Variants in GRID2 observed in about 807,000 individuals in gnomAD.
GRID2 encodes glutamate receptor ionotropic, delta-2.
A neutral mutation model predicts 114.8 loss-of-function variants in GRID2; 33 were observed. The ratio of observed to expected loss-of-function variants is 0.29; its 90% CI spans 0.22 to 0.38. The LOEUF (loss-of-function observed/expected upper bound fraction) is 0.38. Ranked by LOEUF, GRID2 falls within the 10% of genes least tolerant of loss-of-function variation. The pLI is 1.00. For synonymous variants in GRID2, 505 were observed against 449.9 expected, an observed-to-expected ratio of 1.12 and a Z score of -1.55; for missense variants, 1,184 against 1,257.7, an observed-to-expected ratio of 0.94 and a Z score of 0.89.
downstream of GRID2, among the ~76,000 whole-genome samples, chr4:93,777,447 A>G (rs1256398265): frequency 6.6e-6 from 1 of 152,190 alleles, no homozygotes; most frequent in Non-Finnish European, 1.5e-5. Context: ...CTAATTTTGT[A>G]TCATAGTTCC....
chr4:93,500,871 A>T (rs1484604358), intron 12 of GRID2, among the ~76,000 whole-genome samples: 1 of 151,968 alleles, frequency 6.6e-6, no homozygotes, highest in Non-Finnish European at 1.5e-5. Context: ...CAGCTCAAAT[A>T]CTCAAATATG....
At chr4:92,927,471 G>C (rs1269952794) in intron 2 of GRID2, among the ~76,000 whole-genome samples, 1 of 151,796 alleles carries the variant, frequency 6.6e-6, no homozygotes, top group Non-Finnish European at 1.5e-5. Flanking sequence ...AGCACAAAGA[G>C]AGCTAGATGC....
downstream of GRID2, among the ~76,000 whole-genome samples, chr4:93,775,608 TGCA>T (rs1309856305): frequency 6.6e-6 from 1 of 152,234 alleles, no homozygotes; most frequent in Non-Finnish European, 1.5e-5. Context: ...TGTCCTGGTT[TGCA>T]ACACTTAGAC....
chr4:93,013,591 C>T (rs571343398), intron 2 of GRID2, among the ~76,000 whole-genome samples: 3 of 151,950 alleles, frequency 2.0e-5, no homozygotes, highest in South Asian at 2.1e-4. Flanking sequence ...ATTAGAGGTT[C>T]GTGCTTGTCA....
intron 14 of GRID2, among the ~76,000 whole-genome samples, chr4:93,691,383 T>A (rs1726549759): frequency 6.6e-6 from 1 of 152,026 alleles, no homozygotes; most frequent in African/African-American, 2.4e-5. Flanking sequence ...GACACAGAAG[T>A]TAAAAAACAG....
intron 2 of GRID2, among the ~76,000 whole-genome samples, chr4:92,943,168 C>G (rs1443525036): frequency 6.6e-6 from 1 of 152,140 alleles, no homozygotes; most frequent in African/African-American, 2.4e-5. Flanking sequence ...AGGGTGTTTT[C>G]CAGCTGGGTT....
chr4:92,634,862 A>G (rs1730989651), intron 2 of GRID2, among the ~76,000 whole-genome samples: 1 of 117,172 alleles, frequency 8.5e-6, no homozygotes, highest in Non-Finnish European at 1.8e-5. Context: ...AGAGAGACAG[A>G]GAGAGAGAGA....
intron 13 of GRID2, among the ~76,000 whole-genome samples, chr4:93,597,996 C>G (rs912205462): frequency 6.6e-6 from 1 of 152,136 alleles, no homozygotes; most frequent in Admixed American, 6.5e-5. Flanking sequence ...AGCCTTATTC[C>G]TTAATAATAT....
At chr4:92,444,037 G>A (rs1733291873) in intron 1 of GRID2, among the ~76,000 whole-genome samples, 1 of 152,198 alleles carries the variant, frequency 6.6e-6, no homozygotes, top group Admixed American at 6.5e-5. Context: ...GGAGAAGAGA[G>A]TCAGAAGAGG....
Position 93,698,087 on chromosome 4 carries a change from GTAAT to G in GRID2, c.2361-71120_2361-71117del, listed in dbSNP as rs559162707. 1.4e-3 allele frequency among the ~76,000 whole-genome samples: 208 copies of G among 151,930 alleles called. 1 individual carries two copies. The highest frequency in any genetic ancestry group is 4.5e-3 in the African/African-American group (188 of 41,486). On this transcript the variant is annotated intron_variant, in intron 14 of 15. Transcript: ENST00000282020. ...AACTCTTGTACATATGCTGATAAGA[GTAAT>G]TAGTCAAATGTTTTCAGGTTCACTT...
At chr4:92,717,683 A>ATATGCAGTTGT (rs1735615488) in intron 2 of GRID2, among the ~76,000 whole-genome samples, 1 of 152,224 alleles carries the variant, frequency 6.6e-6, no homozygotes, top group South Asian at 2.1e-4. Flanking sequence ...ATTAAAAAGA[A>ATATGCAGTTGT]TATGCAGTTG....
At chr4:92,403,269 GT>G (rs1282071915) in intron 1 of GRID2, among the ~76,000 whole-genome samples, 1 of 152,104 alleles carries the variant, frequency 6.6e-6, no homozygotes, top group East Asian at 1.9e-4. Context: ...CACTTGAGTA[GT>G]ACTTTTAATT....
chr4:92,899,934 C>G (rs78727210), intron 2 of GRID2, among the ~76,000 whole-genome samples: 3 of 151,998 alleles, frequency 2.0e-5, no homozygotes, highest in Non-Finnish European at 4.4e-5. Flanking sequence ...TCCTAGCCCT[C>G]GTCAAGGAGG....
chr4:93,134,656 T>G (rs957972004), intron 4 of GRID2, among the ~76,000 whole-genome samples: 2 of 152,164 alleles, frequency 1.3e-5, no homozygotes, highest in Non-Finnish European at 2.9e-5. Flanking sequence ...TATGCAAATA[T>G]TCTCAGCCAC....
At chr4:92,826,948 T>C (rs1158779478) in intron 2 of GRID2, among the ~76,000 whole-genome samples, 2 of 152,058 alleles carry the variant, frequency 1.3e-5, no homozygotes, top group East Asian at 1.9e-4. Context: ...GAAGAGTTCA[T>C]TGATATGTTT....
At chr4:93,453,689 A>G (rs1401223460) in intron 10 of GRID2, among the ~76,000 whole-genome samples, 2 of 152,090 alleles carry the variant, frequency 1.3e-5, no homozygotes, top group Non-Finnish European at 2.9e-5. Flanking sequence ...ATAATTATTT[A>G]TTAGAAAAAT....
In GRID2 at chr4:92,688,037, C is replaced by CCTTTTTTTTTTTTTTTTTTTTTTTT. The variant is rs1553916864; in HGVS notation, c.244+97751_244+97752insCTTTTTTTTTTTTTTTTTTTTTTTT. Among the ~76,000 whole-genome samples the CCTTTTTTTTTTTTTTTTTTTTTTTT allele has an allele frequency of 3.5e-3, 157 of 44,664 alleles. 20 individuals carry two copies. The highest frequency in any genetic ancestry group is 0.021 in the Middle Eastern group (1 of 48). The allele number at this position is 44,664 out of a possible 152,430, so 29.3% of individuals were successfully genotyped here. A position where few individuals can be genotyped will look rare whatever the true frequency, so the allele number is the denominator to read the frequency against. On this transcript the variant is annotated intron_variant, in intron 2 of 15. Coordinates refer to ENST00000282020, the MANE Select transcript of GRID2 (RefSeq NM_001510.4). ...GCCACATTGGTTGACCCTTCTTCTTCTTTTTTTTTTTTTTTTTTTTTTTTT... is the reference window on the plus strand; with the variant it reads ...GCCACATTGGTTGACCCTTCTTCTTCCTTTTTTTTTTTTTTTTTTTTTTTTTTTTTTTTTTTTTTTTTTTTTTTTT...
chr4:93,681,290 A>G (rs1725507068), intron 14 of GRID2, among the ~76,000 whole-genome samples: 1 of 151,640 alleles, frequency 6.6e-6, no homozygotes, highest in South Asian at 2.1e-4. Flanking sequence ...GATACCAAGA[A>G]ATGGAAGAAC....
intron 2 of GRID2, among the ~76,000 whole-genome samples, chr4:92,890,607 G>C (rs1416751169): frequency 6.6e-6 from 1 of 152,144 alleles, no homozygotes; most frequent in Non-Finnish European, 1.5e-5. Flanking sequence ...CAAAAGTCAG[G>C]AAACAACAGA....
Sources: gnomAD v4.1 joint callset for allele counts (sites outside exome capture counted in the v4.1 genomes callset) on GRCh38, gnomAD v4.1.1 for gene constraint, MANE v1.5 for transcripts, NCBI Gene and HGNC (gene_info 2026-07-23, HGNC 2026-07-21) for gene names.